The following ZNF850 variants were observed in gnomAD, a reference collection of about 807,000 sequenced individuals.
ZNF850 encodes zinc finger protein 850, also known as putative zinc finger protein ENSP00000330994.
A neutral mutation model predicts 11.9 loss-of-function variants in ZNF850; 2 were observed. The observed-to-expected ratio is 0.17, with a 90% CI of 0.07 to 0.53. The LOEUF is 0.53. Ranked by LOEUF, ZNF850 falls within the 20% of genes least tolerant of loss-of-function variation. The pLI, the probability that ZNF850 is intolerant of heterozygous loss-of-function variation, is 0.94. For missense variants in ZNF850, 1,014 were observed against 1,316.4 expected (o/e 0.77, Z 3.55); for synonymous variants, 381 against 443.0 (o/e 0.86, Z 1.76).
Position 36,750,100 on chromosome 19 carries a change from A to G in ZNF850, c.940T>C (p.Cys314Arg), listed in dbSNP as rs1051768315. The G allele has an allele frequency of 1.3e-6, 2 of 1,538,458 alleles. No individual in the cohort carries two copies. The highest frequency in any genetic ancestry group is 2.7e-5 in the African/African-American group (2 of 73,048). The change falls in exon 5 of 5, where the codon TGT (cysteine) becomes CGT (arginine). Residue 314 changes from cysteine (C) to arginine (R), a missense_variant. By Grantham distance (180) the Cys-to-Arg change is radical (BLOSUM62 -3). Around this residue, in one of 2 missense-constraint regions of ZNF850, gnomAD observed 835 missense variants for 1,022.0 expected, o/e 0.82. Transcript: ENST00000591344. ...GAGCCAACAGTAAAAGATTTTCCAC[A>G]TTGCTTACAATGATAGGGTTTCTCA... ...TGEKPYHCKQCGKSFTVGSTL... is the reference protein window; with the variant it reads ...TGEKPYHCKQRGKSFTVGSTL...
intron 1 of ZNF850, among the ~76,000 whole-genome samples, chr19:36,765,154 C>T (rs1265739872): frequency 6.6e-6 from 1 of 152,200 alleles, no homozygotes; most frequent in Non-Finnish European, 1.5e-5. Context: ...CTTGCTCTAG[C>T]TGTCTCTGAT....
At position 36,750,954 on chromosome 19, in the gene ZNF850, G is replaced by A. The variant is rs189220898; in HGVS notation, c.236-150C>T. On this transcript the variant is annotated intron_variant, in intron 4 of 4. Transcript: ENST00000591344. ...GGTGGCTCATGCCTGTAATCCCAGCGCTTTGGGAGTCTGAGACAGGAGGAT... is the reference window on the plus strand; with the variant it reads ...GGTGGCTCATGCCTGTAATCCCAGCACTTTGGGAGTCTGAGACAGGAGGAT... 3.1e-4 allele frequency: 263 copies of A among 852,606 alleles called. No homozygotes were observed. The African/African-American group carries it at 3.3e-3, about 11-fold the overall frequency. The allele number at this position is 852,606 out of a possible 1,614,324, so 52.8% of individuals were successfully genotyped here.
intron 1 of ZNF850, among the ~76,000 whole-genome samples, chr19:36,766,889 G>A (rs1312948693): frequency 6.6e-6 from 1 of 152,070 alleles, no homozygotes; most frequent in Admixed American, 6.6e-5. Flanking sequence ...GATCATTTGA[G>A]GTCAGGAGTT....
In ZNF850 at chr19:36,749,406, C is replaced by G; in HGVS notation, c.1634G>C (p.Arg545Pro). The G allele has an allele frequency of 6.5e-7, 1 of 1,547,424 alleles. No individual in the cohort carries two copies. The highest frequency in any genetic ancestry group is 1.9e-5 in the Admixed American group (1 of 51,410). ...CKECGKSFTF[R>P]SGLIGHQAVH... ...TGCCTGATGTCCAATTAGCCCTGAGCGAAAAGTAAAAGATTTTCCACATTC... is the reference window on the plus strand; with the variant it reads ...TGCCTGATGTCCAATTAGCCCTGAGGGAAAAGTAAAAGATTTTCCACATTC... Residue 545 changes from arginine to proline, a missense_variant, in exon 5 of 5, where the codon CGC (arginine) becomes CCC (proline). Arg to Pro is a moderately radical substitution (Grantham distance 103). Coordinates refer to ENST00000591344, the MANE Select transcript of ZNF850 (RefSeq NM_001193552.2).
upstream of ZNF850, chr19:36,772,807 C>CTTG (rs1207153777): frequency 2.0e-5 from 3 of 152,394 alleles, no homozygotes; most frequent in East Asian, 5.8e-4. Context: ...TAAATCGGCA[C>CTTG]AGCAAACGGT....
rs772916657 is a variant in ZNF850, at chr19:36,748,521, C to T, written c.2519G>A (p.Arg840His). ...QHRPVHTGEK[R>H]YSCKECGKSF... is the part of the protein sequence containing the mutation. ...TTTCCCACATTCTTTACAACTGTAG[C>T]GTTTCTCACCAGTGTGAACTGGCCG... The change falls in exon 5 of 5, where the codon CGC becomes CAC. Residue 840 changes from arginine to histidine, a missense_variant. By Grantham distance (29) the Arg-to-His change is conservative. Coordinates refer to ENST00000591344, the MANE Select transcript of ZNF850 (RefSeq NM_001193552.2). 3.9e-6 allele frequency: 6 copies of T among 1,533,704 alleles called. No homozygotes were observed. Among genetic ancestry groups the T allele is most frequent in the East Asian group, 2.5e-5 (1 of 40,586 alleles).
At position 36,750,748 on chromosome 19, in the gene ZNF850, C is replaced by A. The variant is rs1275795338; in HGVS notation, c.292G>T (p.Val98Leu). 1 of 1,529,522 alleles carries A rather than the reference C, an allele frequency of 6.5e-7. No individual in the cohort carries two copies. The allele number at this position is 1,529,522 out of a possible 1,614,324, so 94.7% of individuals were successfully genotyped here. A position where few individuals can be genotyped will look rare whatever the true frequency, so the allele number is the denominator to read the frequency against. ...DSCLPKEIYE[V>L]TSSQWVRMEK... Reference sequence around the variant, plus strand: ...ATTCTCACCCACTGAGATGATGTTACTTCATAGATTTCTTTTGGCAAACAT... The same window carrying A: ...ATTCTCACCCACTGAGATGATGTTAATTCATAGATTTCTTTTGGCAAACAT... Residue 98 changes from valine (V) to leucine (L), a missense_variant, in exon 5 of 5, where the codon GTA (valine) becomes TTA (leucine). Transcript: ENST00000591344.
intron 1 of ZNF850, among the ~76,000 whole-genome samples, chr19:36,772,477 C>T (rs2040590950): frequency 6.6e-6 from 1 of 152,122 alleles, no homozygotes; most frequent in South Asian, 2.1e-4. Context: ...CACACACCCA[C>T]CCCGGGACAC....
At chr19:36,772,319 C>T (rs1435229152) in intron 1 of ZNF850, among the ~76,000 whole-genome samples, 1 of 152,176 alleles carries the variant, frequency 6.6e-6, no homozygotes, top group East Asian at 1.9e-4. Flanking sequence ...CCCAATCGCA[C>T]ACATGCCTCC....
rs2040396303 is a variant in ZNF850, at chr19:36,743,924, TA to T, written c.*3842del. The T allele has an allele frequency of 6.6e-6, 1 of 152,220 alleles. No individual in the cohort carries two copies. The highest frequency in any genetic ancestry group is 1.5e-5 in the Non-Finnish European group (1 of 68,068). 9.4% of individuals were successfully genotyped at this position (152,220 alleles called of 1,614,324 possible). On this transcript the variant is annotated 3_prime_UTR_variant, in exon 5 of 5. Coordinates refer to ENST00000591344, the MANE Select transcript of ZNF850 (RefSeq NM_001193552.2). ...CGGCCGGGCACGTGGATCCTGCCTG[TA>T]ATCCCAGCACTTTGGGAGGCCGAGG...
intron 1 of ZNF850, among the ~76,000 whole-genome samples, chr19:36,765,658 C>T (rs1171361672): frequency 6.8e-6 from 1 of 147,632 alleles, no homozygotes; most frequent in Non-Finnish European, 1.5e-5. Context: ...GATCTCGGCT[C>T]ACTGCAACCT....
chr19:36,769,144 C>T (rs1279937216), intron 1 of ZNF850, among the ~76,000 whole-genome samples: 1 of 151,146 alleles, frequency 6.6e-6, no homozygotes, highest in Non-Finnish European at 1.5e-5. Context: ...ACCTGTAATC[C>T]CAGCTACTCA....
intron 1 of ZNF850, among the ~76,000 whole-genome samples, chr19:36,766,014 A>G (rs2040547290): frequency 6.6e-6 from 1 of 151,936 alleles, no homozygotes; most frequent in African/African-American, 2.4e-5. Flanking sequence ...TCAGCCATCA[A>G]AGTAGCTAGG....
At chr19:36,766,706 G>T (rs1285814188) in intron 1 of ZNF850, among the ~76,000 whole-genome samples, 3 of 152,000 alleles carry the variant, frequency 2.0e-5, no homozygotes, top group African/African-American at 7.2e-5. Flanking sequence ...TTTTCTTTAT[G>T]GTTTCTTTTC....
In ZNF850 at chr19:36,748,469, A is replaced by G. The variant is rs1314559256; in HGVS notation, c.2571T>C (p.Ile857=). ...CACCAGTGTGAATTCGCTGATGTTC[A>G]ATTAGTGTTGAGCGAGAAGTAAAAG... ...GKSFTSRSTL[I]EHQRIHTGEK... is the part of the protein sequence containing the mutation. Residue 857 remains isoleucine, a synonymous_variant, in exon 5 of 5, where the codon ATT becomes ATC. Transcript: ENST00000591344. 2.6e-6 allele frequency: 4 copies of G among 1,548,146 alleles called. No individual in the cohort carries two copies. In the East Asian group the frequency reaches 9.7e-5, roughly 37 times the overall value.
intron 1 of ZNF850, among the ~76,000 whole-genome samples, chr19:36,768,483 A>T (rs2040561635): frequency 6.6e-6 from 1 of 152,158 alleles, no homozygotes; most frequent in South Asian, 2.1e-4. Flanking sequence ...TTTCAAACAT[A>T]GTTTTAATTA....
In ZNF850 at chr19:36,756,244, C is replaced by G. The variant is rs996245574; in HGVS notation, c.235+5399G>C. On this transcript the variant is annotated intron_variant, in intron 4 of 4. Coordinates refer to ENST00000591344, the MANE Select transcript of ZNF850 (RefSeq NM_001193552.2). ...AAGTGCCATATCACCTACTTGTTCA[C>G]TAAGATCTCAACTATACTTTCAGCA... Among the ~76,000 whole-genome samples the G allele has an allele frequency of 1.1e-4, 16 of 152,260 alleles. 1 individual carries two copies. Among genetic ancestry groups the G allele is most frequent in the African/African-American group, 3.8e-4 (16 of 41,560 alleles).
chr19:36,771,919 T>TA (rs2145973067), intron 1 of ZNF850, among the ~76,000 whole-genome samples: 1 of 152,286 alleles, frequency 6.6e-6, no homozygotes, highest in Admixed American at 6.5e-5. Flanking sequence ...AGACCCCTCC[T>TA]GCCCAGGCCT....
intron 1 of ZNF850, among the ~76,000 whole-genome samples, chr19:36,767,962 A>G (rs1182584369): frequency 6.6e-6 from 1 of 152,226 alleles, no homozygotes; most frequent in Non-Finnish European, 1.5e-5. Context: ...CACTTCTGCT[A>G]TCAAGACTAT....
Sources: gnomAD v4.1 joint callset for allele counts (sites outside exome capture counted in the v4.1 genomes callset) on GRCh38, gnomAD v4.1.1 for gene constraint, gnomAD v4.1.1 regional missense constraint, MANE v1.5 for transcripts, NCBI Gene and HGNC (gene_info 2026-07-23, HGNC 2026-07-21) for gene names.